Variants in STT3B observed in about 807,000 individuals in gnomAD.
STT3B encodes STT3 oligosaccharyltransferase complex catalytic subunit B, also known as dolichyl-diphosphooligosaccharide--protein glycosyltransferase subunit STT3B.
In STT3B, 29 loss-of-function variants were observed where a neutral mutation model predicts 96.8. The ratio of observed to expected loss-of-function variants is 0.30; its 90% CI spans 0.22 to 0.41. STT3B has a LOEUF of 0.41. STT3B is among the 10% of genes least tolerant of loss of function. The pLI is 1.00. For missense variants in STT3B, 640 were observed against 1,022.3 expected (o/e 0.63, Z 5.10); for synonymous variants, 367 against 360.0 (o/e 1.02, Z -0.22).
At chr3:31,552,180 T>C (rs1697578328) in intron 1 of STT3B, among the ~76,000 whole-genome samples, 2 of 152,382 alleles carry the variant, frequency 1.3e-5, no homozygotes, top group South Asian at 2.1e-4. Context: ...TTAAAATTGC[T>C]GTATAAGCAA....
At chr3:31,624,146 A>C (rs1330484274) in intron 11 of STT3B, among the ~76,000 whole-genome samples, 1 of 152,088 alleles carries the variant, frequency 6.6e-6, no homozygotes, top group Non-Finnish European at 1.5e-5. Context: ...TTACACTCTT[A>C]GTTATTTTTA....
intron 5 of STT3B, among the ~76,000 whole-genome samples, chr3:31,610,543 A>T (rs139181274): frequency 6.6e-6 from 1 of 152,214 alleles, no homozygotes; most frequent in Non-Finnish European, 1.5e-5. Flanking sequence ...AACTTCTTCA[A>T]TACTTAAAAT....
chr3:31,556,126 G>A (rs753607710), intron 1 of STT3B, among the ~76,000 whole-genome samples: 12 of 146,106 alleles, frequency 8.2e-5, no homozygotes, highest in African/African-American at 1.0e-4. Context: ...TTTTTTTTCC[G>A]TTCCCACGAA....
At chr3:31,628,129 T>C (rs946894286) in intron 13 of STT3B, among the ~76,000 whole-genome samples, 3 of 149,626 alleles carry the variant, frequency 2.0e-5, no homozygotes, top group Non-Finnish European at 2.9e-5. Context: ...GATGCATATG[T>C]TAATTAGATC....
chr3:31,619,820 A>G lies in STT3B; in HGVS notation c.1317A>G (p.Glu439=). 2 of 1,611,264 alleles carry G rather than the reference A, an allele frequency of 1.2e-6. No homozygotes were observed. Among genetic ancestry groups the G allele is most frequent in the African/African-American group, 1.3e-5 (1 of 74,892 alleles). Residue 439 remains glutamate, a synonymous_variant, in exon 9 of 16, where the codon GAA becomes GAG. Coordinates refer to ENST00000295770, the MANE Select transcript of STT3B (RefSeq NM_178862.3). ...LWFCIKNIND[E]RVFVALYAIS... ...TCTGCATCAAAAATATCAACGATGA[A>G]AGAGTATTTGGTAAGAGAGGTTTTT... is the stretch of plus-strand genomic sequence containing the variant.
intron 5 of STT3B, among the ~76,000 whole-genome samples, chr3:31,603,052 C>G (rs555810278): frequency 1.3e-5 from 2 of 151,918 alleles, no homozygotes; most frequent in Non-Finnish European, 2.9e-5. Flanking sequence ...GATTTTGGCA[C>G]GTAACATCCT....
intron 1 of STT3B, among the ~76,000 whole-genome samples, chr3:31,567,951 C>G (rs925107613): frequency 2.6e-5 from 4 of 151,898 alleles, no homozygotes; most frequent in South Asian, 4.2e-4. Flanking sequence ...AGATCTTATT[C>G]ATCCTAAGTA....
intron 1 of STT3B, among the ~76,000 whole-genome samples, chr3:31,535,471 C>G (rs1019829495): frequency 1.3e-5 from 2 of 152,006 alleles, no homozygotes; most frequent in South Asian, 4.1e-4. Flanking sequence ...CGCCTGTAAT[C>G]CCAGCACTTC....
chr3:31,616,857 C>T (rs1699317704), intron 6 of STT3B, 72 bp from the exon 7 acceptor site: 33 of 1,372,398 alleles, frequency 2.4e-5, no homozygotes, highest in Non-Finnish European at 3.2e-5. Context: ...CTAAGAAGCT[C>T]TTTCAAATGA....
intron 1 of STT3B, among the ~76,000 whole-genome samples, chr3:31,572,090 T>TTAATATATTAAATATATTAATATA (rs1444119296): frequency 0.013 from 1,755 of 131,896 alleles, 55 homozygotes; most frequent in African/African-American, 0.045. Context: ...TATATAAGTA[T>TTAATATATTAAATATATTAATATA]TAAGATATTA....
intron 3 of STT3B, among the ~76,000 whole-genome samples, chr3:31,580,393 A>T (rs1009135997): frequency 1.1e-4 from 17 of 152,166 alleles, no homozygotes; most frequent in Non-Finnish European, 5.9e-5. Context: ...ATAGTTACCC[A>T]GGAAAGTTGA....
chr3:31,550,237 G>C (rs548718189), intron 1 of STT3B, among the ~76,000 whole-genome samples: 1 of 152,304 alleles, frequency 6.6e-6, no homozygotes, highest in South Asian at 2.1e-4. Flanking sequence ...TTTGCCCTGT[G>C]TGTTCTTTTT....
intron 5 of STT3B, among the ~76,000 whole-genome samples, chr3:31,601,304 ATG>A (rs1698922067): frequency 6.6e-6 from 1 of 152,186 alleles, no homozygotes; most frequent in Non-Finnish European, 1.5e-5. Flanking sequence ...GACAACCCAA[ATG>A]TCTATCAGCT....
At chr3:31,616,150 A>G (rs188883464) in intron 6 of STT3B, among the ~76,000 whole-genome samples, 7 of 152,058 alleles carry the variant, frequency 4.6e-5, no homozygotes, top group Admixed American at 3.9e-4. Context: ...ACAGTCATGT[A>G]GAAATAAGAT....
Position 31,533,331 on chromosome 3 carries a change from C to T in STT3B, c.314+19C>T, listed in dbSNP as rs753589870. 18 of 1,503,294 alleles carry T rather than the reference C, an allele frequency of 1.2e-5. No individual in the cohort carries two copies. The highest frequency in any genetic ancestry group is 2.5e-5 in the South Asian group (2 of 80,616). The allele number at this position is 1,503,294 out of a possible 1,614,324, so 93.1% of individuals were successfully genotyped here. A position where few individuals can be genotyped will look rare whatever the true frequency, so the allele number is the denominator to read the frequency against. On this transcript the variant is annotated intron_variant, in intron 1 of 15. Coordinates refer to ENST00000295770, the MANE Select transcript of STT3B (RefSeq NM_178862.3). ...ACCCGTGGTAAGTGCCTCGCCGCCC[C>T]TCCCCCGCCCGTGGCCCGCGGGGAA...
intron 15 of STT3B, among the ~76,000 whole-genome samples, chr3:31,634,500 T>G (rs140892965): frequency 6.6e-6 from 1 of 152,336 alleles, no homozygotes; most frequent in Non-Finnish European, 1.5e-5. Flanking sequence ...AATAACATAT[T>G]TTGACATTCT....
chr3:31,538,608 G>C (rs532086675), intron 1 of STT3B, among the ~76,000 whole-genome samples: 25 of 152,236 alleles, frequency 1.6e-4, no homozygotes, highest in Middle Eastern at 3.4e-3. Flanking sequence ...CTTTCATCCA[G>C]AGGTAATGGT....
chr3:31,576,414 A>G lies in STT3B; in HGVS notation c.333A>G (p.Thr111=). 1 of 1,597,872 alleles carries G rather than the reference A, an allele frequency of 6.3e-7. No homozygotes were observed. The highest frequency in any genetic ancestry group is 8.5e-7 in the Non-Finnish European group (1 of 1,170,706). The part of the protein sequence containing the change: ...EFDPWFNYRS[T]HHLASHGFYE... Reference sequence around the variant, plus strand: ...TCTCTAGGTTTAACTATAGATCAACACATCATCTTGCATCTCATGGGTTCT... The same window carrying G: ...TCTCTAGGTTTAACTATAGATCAACGCATCATCTTGCATCTCATGGGTTCT... Residue 111 remains threonine, a synonymous_variant, in exon 2 of 16, where the codon ACA becomes ACG. Transcript: ENST00000295770.
At chr3:31,576,622 G>T in intron 2 of STT3B, 118 bp downstream of exon 2, 1 of 535,606 alleles carries the variant, frequency 1.9e-6, no homozygotes. Context: ...AAATTTTTCT[G>T]TGGCTTATTA....
Sources: gnomAD v4.1 joint callset for allele counts (sites outside exome capture counted in the v4.1 genomes callset) on GRCh38, gnomAD v4.1.1 for gene constraint, MANE v1.5 for transcripts, NCBI Gene and HGNC (gene_info 2026-07-23, HGNC 2026-07-21) for gene names.